Variants in TASP1 observed in about 807,000 individuals in gnomAD.
TASP1 encodes the protein taspase 1.
A neutral mutation model predicts 56.6 loss-of-function variants in TASP1; 16 were observed. That is an observed-to-expected ratio of 0.28 (90% CI 0.19 to 0.43). The LOEUF is 0.43. TASP1 is among the 20% of genes least tolerant of loss of function. TASP1 has a pLI of 1.00. For synonymous variants in TASP1, 179 were observed against 184.2 expected (o/e 0.97, Z 0.23); for missense variants, 393 against 511.6 (o/e 0.77, Z 2.24).
At chr20:13,555,326 G>A (rs138132470) in intron 8 of TASP1, among the ~76,000 whole-genome samples, 3,574 of 142,016 alleles carry the variant, frequency 0.025, 76 homozygotes, top group Non-Finnish European at 0.035. Context: ...GGAGGTTGCA[G>A]TGAGCCAAGA....
intron 11 of TASP1, among the ~76,000 whole-genome samples, chr20:13,436,291 G>A (rs1600788164): frequency 1.3e-5 from 2 of 151,996 alleles, no homozygotes; most frequent in Middle Eastern, 3.4e-3. Flanking sequence ...TAGACCAGAG[G>A]TTGTCCTGCT....
chr20:13,122,436 C>A, the TASP1 span, among the ~76,000 whole-genome samples: 1 of 152,160 alleles, frequency 6.6e-6, no homozygotes, highest in African/African-American at 2.4e-5. Flanking sequence ...TTCTCCTGGA[C>A]CCCCTCACAC....
At chr20:13,272,358 A>C in the TASP1 span, among the ~76,000 whole-genome samples, 1 of 152,034 alleles carries the variant, frequency 6.6e-6, no homozygotes, top group African/African-American at 2.4e-5. Flanking sequence ...TGGAATACCA[A>C]CCCCCGCTGT....
intron 8 of TASP1, among the ~76,000 whole-genome samples, chr20:13,557,572 G>GTTTTTT (rs972801507): frequency 3.0e-5 from 3 of 99,736 alleles, no homozygotes; most frequent in Non-Finnish European, 4.1e-5. Flanking sequence ...GATGTTTTTG[G>GTTTTTT]TTTTTTTTTT....
intron 6 of TASP1, among the ~76,000 whole-genome samples, chr20:13,572,545 G>A (rs2046753953): frequency 6.6e-6 from 1 of 152,006 alleles, no homozygotes; most frequent in African/African-American, 2.4e-5. Flanking sequence ...AATATGCCGG[G>A]TGTGATGGCA....
chr20:13,130,853 G>C, the TASP1 span, among the ~76,000 whole-genome samples: 43 of 152,324 alleles, frequency 2.8e-4, no homozygotes, highest in Non-Finnish European at 5.4e-4. Context: ...GTCAAACTCA[G>C]TGCTCAGCTT....
intron 10 of TASP1, among the ~76,000 whole-genome samples, chr20:13,509,297 A>G (rs959025814): frequency 6.6e-6 from 1 of 152,152 alleles, no homozygotes; most frequent in African/African-American, 2.4e-5. Context: ...ATAAAAATCT[A>G]AAGTCAAGCT....
At chr20:13,593,598 A>G (rs113569937) in intron 4 of TASP1, among the ~76,000 whole-genome samples, 10 of 152,222 alleles carry the variant, frequency 6.6e-5, no homozygotes, top group African/African-American at 2.4e-4. Context: ...CTTGCTCACT[A>G]CTAGCGCAGC....
chr20:13,163,496 A>G, the TASP1 span, among the ~76,000 whole-genome samples: 3,572 of 151,984 alleles, frequency 0.024, 68 homozygotes, highest in South Asian at 0.032. Flanking sequence ...TCCATCCCCC[A>G]CCTTCAGCAA....
the TASP1 span, among the ~76,000 whole-genome samples, chr20:13,285,543 T>C: frequency 2.0e-5 from 3 of 152,148 alleles, no homozygotes; most frequent in Non-Finnish European, 4.4e-5. Context: ...GCCTAGGCAC[T>C]TCACGCTTGG....
chr20:13,611,587 G>A (rs1474092789), intron 4 of TASP1, among the ~76,000 whole-genome samples: 2 of 152,072 alleles, frequency 1.3e-5, no homozygotes, highest in East Asian at 1.9e-4. Context: ...ACAACAATTC[G>A]CAGCCTCTAG....
chr20:13,518,433 A>C (rs1282017575), intron 10 of TASP1, among the ~76,000 whole-genome samples: 4 of 152,020 alleles, frequency 2.6e-5, no homozygotes, highest in Non-Finnish European at 5.9e-5. Context: ...TCATCTCCCT[A>C]CTCAAGAGTC....
the TASP1 span, among the ~76,000 whole-genome samples, chr20:13,287,494 C>A: frequency 6.6e-6 from 1 of 152,310 alleles, no homozygotes; most frequent in African/African-American, 2.4e-5. Context: ...ACCACCCTCT[C>A]CCACACCTCT....
chr20:13,515,535 T>A (rs1368495833), intron 10 of TASP1, among the ~76,000 whole-genome samples: 6 of 130,792 alleles, frequency 4.6e-5, no homozygotes, highest in African/African-American at 1.8e-4. Context: ...ATCCCCAAGG[T>A]GATTCATACA....
chr20:13,359,731 C>A, the TASP1 span, among the ~76,000 whole-genome samples: 1 of 151,942 alleles, frequency 6.6e-6, no homozygotes. Context: ...TAGGCCGAGA[C>A]ACTTTAACTA....
At chr20:13,609,263 A>G (rs2048264657) in intron 4 of TASP1, among the ~76,000 whole-genome samples, 1 of 152,254 alleles carries the variant, frequency 6.6e-6, no homozygotes, top group African/African-American at 2.4e-5. Context: ...CCACAAGGAC[A>G]GTTATGACGA....
chr20:13,474,691 G>A (rs2044655363), intron 11 of TASP1, among the ~76,000 whole-genome samples: 1 of 152,140 alleles, frequency 6.6e-6, no homozygotes, highest in Non-Finnish European at 1.5e-5. Context: ...TCTATTTTTA[G>A]ATCTTTAAGG....
At chr20:13,407,292 T>C (rs1442027524) in intron 13 of TASP1, among the ~76,000 whole-genome samples, 2 of 152,254 alleles carry the variant, frequency 1.3e-5, no homozygotes, top group Non-Finnish European at 2.9e-5. Flanking sequence ...TGGATTTTCC[T>C]ATTCTGGACA....
At chr20:13,460,837 A>T (rs962434131) in intron 11 of TASP1, among the ~76,000 whole-genome samples, 2 of 152,176 alleles carry the variant, frequency 1.3e-5, no homozygotes, top group Non-Finnish European at 2.9e-5. Context: ...AATTAGCCTA[A>T]TAGCCTCCTA....
Sources: gnomAD v4.1 joint callset for allele counts (sites outside exome capture counted in the v4.1 genomes callset) on GRCh38, gnomAD v4.1.1 for gene constraint, MANE v1.5 for transcripts, NCBI Gene and HGNC (gene_info 2026-07-23, HGNC 2026-07-21) for gene names.